Variants in ANKRD13C observed in about 807,000 individuals in gnomAD.
ANKRD13C encodes the protein ankyrin repeat domain-containing protein 13C.
In ANKRD13C, 16 loss-of-function variants were observed where a neutral mutation model predicts 65.5. The ratio of observed to expected loss-of-function variants is 0.24; its 90% CI spans 0.17 to 0.37. The LOEUF is 0.37. ANKRD13C is among the 10% of genes least tolerant of loss of function. The pLI is 1.00. For missense variants in ANKRD13C, 503 were observed against 655.9 expected, an observed-to-expected ratio of 0.77 and a Z score of 2.55; for synonymous variants, 235 against 238.7, an observed-to-expected ratio of 0.98 and a Z score of 0.14.
intron 12 of ANKRD13C, among the ~76,000 whole-genome samples, chr1:70,267,597 C>A (rs1325787842): frequency 6.6e-6 from 1 of 152,084 alleles, no homozygotes; most frequent in Non-Finnish European, 1.5e-5. Context: ...TATATTTAGA[C>A]CATTTACATT....
At chr1:70,277,315 G>A (rs967004038) in intron 9 of ANKRD13C, among the ~76,000 whole-genome samples, 3 of 152,058 alleles carry the variant, frequency 2.0e-5, no homozygotes, top group Non-Finnish European at 4.4e-5. Context: ...AGAATTATCC[G>A]GGCGTGATGG....
intron 1 of ANKRD13C, among the ~76,000 whole-genome samples, chr1:70,339,178 C>G (rs1296465759): frequency 6.6e-6 from 1 of 150,434 alleles, no homozygotes; most frequent in East Asian, 2.0e-4. Flanking sequence ...GCATTGCACT[C>G]CAGCCTAGGA....
intron 1 of ANKRD13C, among the ~76,000 whole-genome samples, chr1:70,339,214 A>AC: frequency 6.6e-6 from 1 of 152,000 alleles, no homozygotes; most frequent in South Asian, 2.1e-4. Context: ...TATCTCAAAA[A>AC]AAAAAAAAAA....
chr1:70,338,987 T>G (rs998205068), intron 1 of ANKRD13C, among the ~76,000 whole-genome samples: 1 of 152,142 alleles, frequency 6.6e-6, no homozygotes, highest in African/African-American at 2.4e-5. Flanking sequence ...TTTGGAAAGC[T>G]GAAGTGAACA....
intron 8 of ANKRD13C, among the ~76,000 whole-genome samples, chr1:70,295,045 G>C (rs2101286440): frequency 6.6e-6 from 1 of 151,040 alleles, no homozygotes; most frequent in Non-Finnish European, 1.5e-5. Flanking sequence ...TACTGGTTTT[G>C]TTTCTCAGAG....
intron 3 of ANKRD13C, among the ~76,000 whole-genome samples, chr1:70,317,254 G>A (rs868031673): frequency 5.9e-5 from 9 of 152,062 alleles, no homozygotes; most frequent in South Asian, 4.1e-4. Context: ...CACAGAAATC[G>A]GAATGCAGGA....
rs533044103 is a variant in ANKRD13C, at chr1:70,337,877, A to T, written c.431-1778T>A. ...CACTTTGGGAGGCCAAAAGGGGCGGATCACCTGAGGTCGGGAGTTCAAGAC... is the reference window on the plus strand; with the variant it reads ...CACTTTGGGAGGCCAAAAGGGGCGGTTCACCTGAGGTCGGGAGTTCAAGAC... On this transcript the variant is annotated intron_variant, in intron 1 of 12. Coordinates refer to ENST00000370944, the MANE Select transcript of ANKRD13C (RefSeq NM_030816.5). 2.6e-5 allele frequency among the ~76,000 whole-genome samples: 4 copies of T among 152,320 alleles called. No individual in the cohort carries two copies. In the East Asian group the frequency reaches 7.8e-4, roughly 30 times the overall value.
Position 70,354,116 on chromosome 1 carries a change from G to A in ANKRD13C, c.293C>T (p.Thr98Ile), listed in dbSNP as rs1435195986. 8 of 1,613,548 alleles carry A rather than the reference G, an allele frequency of 5.0e-6. No individual in the cohort carries two copies. The Admixed American group carries it at 1.0e-4, about 20-fold the overall frequency. ...NSQSPALLAG[T>I]NPVAVVADGG... ...ATCCGCGACGACAGCAACGGGGTTG[G>A]TGCCGGCCAGAAGGGCCGGGGACTG... The change falls in exon 1 of 13, where the codon ACC (threonine) becomes ATC (isoleucine). Residue 98 changes from threonine to isoleucine, a missense_variant. This residue lies in a region of ANKRD13C where 203 missense variants were observed against 177.6 expected (regional missense o/e 1.14). Coordinates refer to ENST00000370944, the MANE Select transcript of ANKRD13C (RefSeq NM_030816.5).
At chr1:70,315,330 C>T in intron 4 of ANKRD13C, 151 bp downstream of exon 4, 1 of 552,110 alleles carries the variant, frequency 1.8e-6, no homozygotes, top group Non-Finnish European at 3.2e-6. Flanking sequence ...AGATCACATT[C>T]ATACACTAAT....
At chr1:70,291,027 A>G (rs990569766) in intron 9 of ANKRD13C, among the ~76,000 whole-genome samples, 1 of 151,574 alleles carries the variant, frequency 6.6e-6, no homozygotes, top group Non-Finnish European at 1.5e-5. Flanking sequence ...AAACATTAAC[A>G]TCTGGGAAAT....
At chr1:70,324,766 G>T in intron 3 of ANKRD13C, 87 bp downstream of exon 3, 3 of 969,826 alleles carry the variant, frequency 3.1e-6, no homozygotes, top group East Asian at 2.7e-5. Context: ...TCATATTATG[G>T]CAAGTTACAA....
chr1:70,296,524 T>C lies in ANKRD13C; in HGVS notation c.922-263A>G, dbSNP rs550663700. ...GAAATACGGTACTATTATCCTGTTA[T>C]AGATATGTAATGGAAGCAGTACTAG... On this transcript the variant is annotated intron_variant, in intron 7 of 12. Transcript: ENST00000370944. Among the ~76,000 whole-genome samples the C allele has an allele frequency of 4.6e-5, 7 of 152,352 alleles. No homozygotes were observed. In the East Asian group the frequency reaches 1.2e-3, roughly 25 times the overall value.
rs925180331 is a variant in ANKRD13C at position 70,260,880 on chromosome 1, A to C, written c.*1837T>G. ...AATTACCCACTTTTTTTCTTCCCTAAGGTGTCTGTACTTATGAAAACATAT... is the reference window on the plus strand; with the variant it reads ...AATTACCCACTTTTTTTCTTCCCTACGGTGTCTGTACTTATGAAAACATAT... On this transcript the variant is annotated 3_prime_UTR_variant, in exon 13 of 13. Transcript: ENST00000370944. The C allele has an allele frequency of 6.6e-6, 1 of 152,086 alleles. No individual in the cohort carries two copies. Among genetic ancestry groups the C allele is most frequent in the Admixed American group, 6.6e-5 (1 of 15,262 alleles). 9.4% of individuals were successfully genotyped at this position (152,086 alleles called of 1,614,324 possible).
intron 1 of ANKRD13C, among the ~76,000 whole-genome samples, chr1:70,349,310 C>T (rs575786492): frequency 4.9e-4 from 75 of 152,078 alleles, no homozygotes; most frequent in South Asian, 1.5e-3. Context: ...AGATAGAGTT[C>T]CATAATTTTG....
chr1:70,348,311 T>A (rs1298234637), intron 1 of ANKRD13C, among the ~76,000 whole-genome samples: 1 of 151,862 alleles, frequency 6.6e-6, no homozygotes, highest in African/African-American at 2.4e-5. Flanking sequence ...GGAATTTAGC[T>A]CTTGTTGCCC....
intron 1 of ANKRD13C, among the ~76,000 whole-genome samples, chr1:70,347,682 A>G (rs2101634085): frequency 6.6e-6 from 1 of 152,306 alleles, no homozygotes; most frequent in South Asian, 2.1e-4. Flanking sequence ...CACCATCAGG[A>G]AACACAGCCA....
chr1:70,311,529 T>C (rs1453836630), intron 5 of ANKRD13C, among the ~76,000 whole-genome samples: 2 of 151,966 alleles, frequency 1.3e-5, no homozygotes, highest in African/African-American at 4.8e-5. Flanking sequence ...TATGATTCCA[T>C]GGGAGAAAAA....
At chr1:70,268,628 G>A (rs1390135661) in intron 12 of ANKRD13C, among the ~76,000 whole-genome samples, 5 of 152,144 alleles carry the variant, frequency 3.3e-5, no homozygotes, top group Admixed American at 3.3e-4. Flanking sequence ...AAGTAGTGAG[G>A]GAGGTCCCAT....
intron 9 of ANKRD13C, among the ~76,000 whole-genome samples, chr1:70,285,355 C>T (rs537249635): frequency 4.9e-4 from 75 of 151,538 alleles, no homozygotes; most frequent in African/African-American, 1.8e-3. Flanking sequence ...ACCATGCCCA[C>T]GAATTTTATT....
Sources: gnomAD v4.1 joint callset for allele counts (sites outside exome capture counted in the v4.1 genomes callset) on GRCh38, gnomAD v4.1.1 for gene constraint, gnomAD v4.1.1 regional missense constraint, MANE v1.5 for transcripts, NCBI Gene and HGNC (gene_info 2026-07-23, HGNC 2026-07-21) for gene names.